ANKRD35: variants seen among roughly 807,000 people sequenced by gnomAD.
ANKRD35 encodes the protein ankyrin repeat domain-containing protein 35.
A neutral mutation model predicts 109.9 loss-of-function variants in ANKRD35; 102 were observed. That is an observed-to-expected ratio of 0.93 (90% CI 0.79 to 1.09). The LOEUF (loss-of-function observed/expected upper bound fraction) is 1.09. ANKRD35 is among the 50% of genes least tolerant of loss of function. ANKRD35 has a pLI of 0.00. For missense variants in ANKRD35, 1,240 were observed against 1,230.1 expected (o/e 1.01, Z -0.12); for synonymous variants, 515 against 512.4 (o/e 1.01, Z -0.07).
At chr1:145,876,426 G>A (rs1165262553) in intron 6 of ANKRD35, 143 bp downstream of exon 6, 2 of 1,141,702 alleles carry the variant, frequency 1.8e-6, no homozygotes, top group East Asian at 2.4e-5. Flanking sequence ...CTCTCTGTGA[G>A]GAAGAAGAGG....
At position 145,872,355 on chromosome 1, in the gene ANKRD35, T is replaced by C. The variant is rs1015296634; in HGVS notation, c.2414A>G (p.Gln805Arg). Reference protein sequence around the residue: ...AVQATMSGKSQEIGKLKQLLY... With the variant: ...AVQATMSGKSREIGKLKQLLY... ...CAGCTGCTTCAGCTTTCCGATCTCC[T>C]GGCTCTTCCCGCTCATCGTGGCCTG... The change falls in exon 10 of 14, where the codon CAG (glutamine) becomes CGG (arginine). Residue 805 changes from glutamine to arginine, a missense_variant. Coordinates refer to ENST00000355594, the MANE Select transcript of ANKRD35 (RefSeq NM_144698.5). 3 of 1,612,862 alleles carry C rather than the reference T, an allele frequency of 1.9e-6. No homozygotes were observed. The highest frequency in any genetic ancestry group is 2.2e-5 in the East Asian group (1 of 44,870).
At chr1:145,882,752 A>T (rs1654339554) in intron 1 of ANKRD35, among the ~76,000 whole-genome samples, 1 of 152,144 alleles carries the variant, frequency 6.6e-6, no homozygotes, top group Non-Finnish European at 1.5e-5. Flanking sequence ...AAATGTCAAG[A>T]TCCAGTCTGT....
chr1:145,870,441 C>G, intron 10 of ANKRD35, among the ~76,000 whole-genome samples: 1 of 152,186 alleles, frequency 6.6e-6, no homozygotes, highest in Non-Finnish European at 1.5e-5. Flanking sequence ...ATCTTCACAA[C>G]CATTTTATTA....
intron 6 of ANKRD35, 127 bp downstream of exon 6, chr1:145,876,442 C>G: frequency 1.7e-6 from 2 of 1,208,828 alleles, no homozygotes; most frequent in South Asian, 1.3e-5. Flanking sequence ...AGAGGAGAAG[C>G]AGGAGGAGAA....
intron 1 of ANKRD35, among the ~76,000 whole-genome samples, chr1:145,882,401 T>G (rs1349667796): frequency 6.7e-6 from 1 of 149,570 alleles, no homozygotes; most frequent in African/African-American, 2.5e-5. Context: ...GCTCAGGTGA[T>G]CCTCCCACCT....
chr1:145,867,659 T>C (rs587607444), intron 12 of ANKRD35, among the ~76,000 whole-genome samples: 1 of 152,326 alleles, frequency 6.6e-6, no homozygotes, highest in East Asian at 1.9e-4. Context: ...TTTGTAGTTA[T>C]TATTCCTAAC....
chr1:145,880,854 G>A (rs1242496429), intron 1 of ANKRD35, among the ~76,000 whole-genome samples: 2 of 152,174 alleles, frequency 1.3e-5, no homozygotes, highest in African/African-American at 4.8e-5. Flanking sequence ...CCTTTCACAT[G>A]CTATTTCAAT....
chr1:145,885,130 TGGTGAGA>T (rs1654430097), intron 1 of ANKRD35, among the ~76,000 whole-genome samples: 3 of 152,074 alleles, frequency 2.0e-5, no homozygotes, highest in Non-Finnish European at 2.9e-5. Context: ...ACAGCAGTGC[TGGTGAGA>T]GATGGGAGTG....
chr1:145,868,869 A>G (rs1653701287), intron 10 of ANKRD35, among the ~76,000 whole-genome samples: 1 of 152,206 alleles, frequency 6.6e-6, no homozygotes, highest in Admixed American at 6.5e-5. Context: ...CCAGTTCTGA[A>G]TTGGAATTGC....
chr1:145,880,175 A>G (rs888248494), intron 1 of ANKRD35, among the ~76,000 whole-genome samples: 1 of 152,202 alleles, frequency 6.6e-6, no homozygotes, highest in South Asian at 2.1e-4. Context: ...GCATTGTTCT[A>G]TCATTCCAGC....
chr1:145,876,092 A>G, intron 7 of ANKRD35, 48 bp downstream of exon 7: 1 of 1,547,610 alleles, frequency 6.5e-7, no homozygotes, highest in African/African-American at 1.4e-5. Flanking sequence ...GCTTCTTTCT[A>G]AATTGGTCAG....
intron 1 of ANKRD35, among the ~76,000 whole-genome samples, chr1:145,881,148 G>T (rs1023015281): frequency 9.2e-5 from 14 of 152,174 alleles, no homozygotes; most frequent in Non-Finnish European, 1.5e-4. Flanking sequence ...TTAGCTGGGG[G>T]TGGTGGCCGG....
intron 7 of ANKRD35, 117 bp downstream of exon 7, chr1:145,876,023 G>A (rs1654056377): frequency 1.1e-6 from 1 of 890,940 alleles, no homozygotes; most frequent in Non-Finnish European, 1.7e-6. Flanking sequence ...AGAACACAAA[G>A]ACCAACCTGA....
chr1:145,868,114 G>A (rs1653672625), intron 11 of ANKRD35, 58 bp from the exon 12 acceptor site: 1 of 1,578,578 alleles, frequency 6.3e-7, no homozygotes, highest in Non-Finnish European at 8.7e-7. Context: ...CAAGCATGAG[G>A]AGCAACACAA....
chr1:145,881,150 G>A (rs1654270911), intron 1 of ANKRD35, among the ~76,000 whole-genome samples: 1 of 152,156 alleles, frequency 6.6e-6, no homozygotes, highest in Admixed American at 6.6e-5. Context: ...AGCTGGGGGT[G>A]GTGGCCGGTG....
intron 1 of ANKRD35, among the ~76,000 whole-genome samples, chr1:145,883,370 C>A (rs1654363879): frequency 6.6e-6 from 1 of 152,212 alleles, no homozygotes; most frequent in Non-Finnish European, 1.5e-5. Flanking sequence ...CAGGCGTGAG[C>A]CACTGCGCCC....
chr1:145,874,838 G>A lies in ANKRD35; in HGVS notation c.729C>T (p.Ser243=), dbSNP rs1559174726. The A allele has an allele frequency of 2.5e-6, 4 of 1,597,194 alleles. No individual in the cohort carries two copies. The highest frequency in any genetic ancestry group is 3.5e-5 in the Admixed American group (2 of 56,952). Residue 243 remains serine, a synonymous_variant, in exon 8 of 14, where the codon AGC becomes AGT. Transcript: ENST00000355594. ...ALWRHLQQAL[S]RRRRGGQRLV... ...GGCCTTTACCGCCCCGCCGCCGCCGGCTCAGGGCCTGCTGTAGGTGCCTCC... is the reference window on the plus strand; with the variant it reads ...GGCCTTTACCGCCCCGCCGCCGCCGACTCAGGGCCTGCTGTAGGTGCCTCC...
At chr1:145,876,735 G>C in intron 5 of ANKRD35, 81 bp downstream of exon 5, 3 of 1,609,616 alleles carry the variant, frequency 1.9e-6, no homozygotes, top group Middle Eastern at 1.7e-4. Context: ...GGTTGGCCCT[G>C]GCTGCCCTTC....
intron 12 of ANKRD35, 77 bp from the exon 13 acceptor site, chr1:145,867,469 G>A: frequency 7.8e-7 from 1 of 1,285,462 alleles, no homozygotes; most frequent in Non-Finnish European, 1.1e-6. Flanking sequence ...GAGGTTCTGT[G>A]GTACAGTGGA....
Sources: allele counts gnomAD v4.1 joint callset (sites outside exome capture counted in the v4.1 genomes callset), GRCh38; gene constraint gnomAD v4.1.1; transcripts MANE v1.5; gene names NCBI Gene and HGNC (gene_info 2026-07-23, HGNC 2026-07-21).